ADIG: variants seen among roughly 807,000 people sequenced by gnomAD.
The protein encoded by ADIG is adipogenesis associated.
A neutral mutation model predicts 10.7 loss-of-function variants in ADIG; 12 were observed. The ratio of observed to expected loss-of-function variants is 1.12; its 90% CI spans 0.72 to 1.82. The LOEUF is 1.82. ADIG is among the 40% of genes most tolerant of loss of function. ADIG has a pLI of 0.00. For missense variants in ADIG, 72 were observed against 92.5 expected, an observed-to-expected ratio of 0.78 and a Z score of 0.91; for synonymous variants, 32 against 35.6, an observed-to-expected ratio of 0.90 and a Z score of 0.36.
At chr20:38,583,107 C>T (rs979328806) in intron 1 of ADIG, among the ~76,000 whole-genome samples, 16 of 152,188 alleles carry the variant, frequency 1.1e-4, no homozygotes, top group African/African-American at 3.1e-4. Context: ...CATGAGCCAC[C>T]GCACCCAGCC....
rs1003580037 is a variant in ADIG at position 38,588,380 on chromosome 20, T to C, written c.*294T>C. ...TGGCCAATTTAATTCAGAGGGGTCT[T>C]AAAGCAGGGCTGGGCCGGAGGGTGT... On this transcript the variant is annotated 3_prime_UTR_variant, in exon 3 of 3. Coordinates refer to ENST00000537425, the MANE Select transcript of ADIG (RefSeq NM_001393816.1). The C allele has an allele frequency of 3.1e-5, 40 of 1,284,986 alleles. No individual in the cohort carries two copies. Among genetic ancestry groups the C allele is most frequent in the Non-Finnish European group, 4.1e-5 (40 of 979,076 alleles). 79.6% of individuals were successfully genotyped at this position (1,284,986 alleles called of 1,614,324 possible).
chr20:38,581,344 A>G lies in ADIG; in HGVS notation c.94A>G (p.Ile32Val). ...CLPVGLLLLL[I>V]IWLRFLLSQD... ...CCCTGTGGGTTTGCTGTTGTTATTGATCATCTGGCTACGCTTCTTACTTAG... is the reference window on the plus strand; with the variant it reads ...CCCTGTGGGTTTGCTGTTGTTATTGGTCATCTGGCTACGCTTCTTACTTAG... The change falls in exon 1 of 3, where the codon ATC becomes GTC. Residue 32 changes from isoleucine (I) to valine (V), a missense_variant. Physicochemically the swap from Ile to Val is conservative, Grantham distance 29. Coordinates refer to ENST00000537425, the MANE Select transcript of ADIG (RefSeq NM_001393816.1). 6.2e-7 allele frequency: 1 copy of G among 1,613,946 alleles called. No homozygotes were observed.
chr20:38,586,412 C>T (rs1402579144), intron 2 of ADIG, among the ~76,000 whole-genome samples: 2 of 152,218 alleles, frequency 1.3e-5, no homozygotes, highest in African/African-American at 2.4e-5. Context: ...TACCCTAGGG[C>T]CTCACCCCCC....
chr20:38,587,050 G>A (rs1204110387), intron 2 of ADIG, among the ~76,000 whole-genome samples: 1 of 152,068 alleles, frequency 6.6e-6, no homozygotes, highest in East Asian at 1.9e-4. Context: ...CTGTCTGCTT[G>A]ACACCCTCTC....
chr20:38,586,402 T>A (rs2088637102), intron 2 of ADIG: 1 of 469,024 alleles, frequency 2.1e-6, no homozygotes, highest in African/African-American at 2.0e-5. Flanking sequence ...CCCTACCCTT[T>A]ACCCTAGGGC....
At position 38,586,100 on chromosome 20, in the gene ADIG, T is replaced by C. The variant is rs376390764; in HGVS notation, c.196T>C (p.Trp66Arg). ...PWSKGPAEFC[W>R]KGTLHGQEKE... The stretch of plus-strand genomic sequence containing the variant: ...GAGCAAAGGCCCAGCTGAGTTTTGC[T>C]GGAAGGGGACACTCCACGGCCAAGA... Residue 66 changes from tryptophan (W) to arginine (R), a missense_variant, in exon 2 of 3, where the codon TGG (tryptophan) becomes CGG (arginine). Coordinates refer to ENST00000537425, the MANE Select transcript of ADIG (RefSeq NM_001393816.1). 19 of 1,608,248 alleles carry C rather than the reference T, an allele frequency of 1.2e-5. No individual in the cohort carries two copies. The highest frequency in any genetic ancestry group is 1.5e-5 in the Non-Finnish European group (18 of 1,177,594).
At chr20:38,585,281 CT>C (rs1161311612) in intron 1 of ADIG, among the ~76,000 whole-genome samples, 1 of 152,196 alleles carries the variant, frequency 6.6e-6, no homozygotes, top group East Asian at 1.9e-4. Flanking sequence ...CCCCATCCCT[CT>C]TTTTTTCTCA....
At chr20:38,583,308 G>T (rs775002717) in intron 1 of ADIG, among the ~76,000 whole-genome samples, 10 of 152,162 alleles carry the variant, frequency 6.6e-5, no homozygotes, top group African/African-American at 2.4e-4. Flanking sequence ...CCTGTCCAAG[G>T]TCATACATCT....
intron 1 of ADIG, among the ~76,000 whole-genome samples, chr20:38,581,741 G>T (rs964208609): frequency 3.3e-5 from 5 of 152,344 alleles, no homozygotes; most frequent in Non-Finnish European, 5.9e-5. Context: ...TTCAGCTGGG[G>T]TGCAAGGCTC....
intron 2 of ADIG, 199 bp downstream of exon 2, chr20:38,586,360 C>A (rs1048294375): frequency 3.6e-6 from 2 of 553,600 alleles, no homozygotes; most frequent in Non-Finnish European, 6.5e-6. Context: ...AAGGGCCAGC[C>A]CCCTGTGCCA....
chr20:38,585,333 C>A, intron 1 of ADIG: 1 of 1,290,436 alleles, frequency 7.7e-7, no homozygotes, highest in Non-Finnish European at 1.1e-6. Flanking sequence ...AACTCATTAA[C>A]GTGTGCAGGT....
At chr20:38,585,583 C>G in intron 1 of ADIG, 1 of 1,508,072 alleles carries the variant, frequency 6.6e-7, no homozygotes, top group Non-Finnish European at 9.0e-7. Context: ...GACGTGGACA[C>G]AGTTTCCAGG....
At chr20:38,585,271 C>G (rs1304802450) in intron 1 of ADIG, among the ~76,000 whole-genome samples, 1 of 152,178 alleles carries the variant, frequency 6.6e-6, no homozygotes, top group Non-Finnish European at 1.5e-5. Context: ...AAATAATCTT[C>G]CCCATCCCTC....
intron 2 of ADIG, 51 bp from the exon 3 acceptor site, chr20:38,588,050 T>C (rs771948431): frequency 8.8e-6 from 11 of 1,245,274 alleles, no homozygotes; most frequent in South Asian, 1.4e-5. Flanking sequence ...ACCCACCTCT[T>C]TTTTCTCATC....
Position 38,583,589 on chromosome 20 carries a change from A to G in ADIG, c.124+2215A>G, listed in dbSNP as rs531761353. Among the ~76,000 whole-genome samples, 28 of 152,344 alleles carry G rather than the reference A, an allele frequency of 1.8e-4. No individual in the cohort carries two copies. The South Asian group carries it at 3.3e-3, about 18-fold the overall frequency. ...AGTCCAGCCAATGCTGGTTTTGTCA[A>G]TGTGGGAGGAAATGCAGGTGGTGTG... On this transcript the variant is annotated intron_variant, in intron 1 of 2. Coordinates refer to ENST00000537425, the MANE Select transcript of ADIG (RefSeq NM_001393816.1).
Position 38,588,457 on chromosome 20 carries a change from A to C in ADIG, c.*371A>C, listed in dbSNP as rs1022444229. ...TTCCCATACCCGGGGGACCCCTGAC[A>C]AACCTACCAGGCCTGACCAAGTCAT... On this transcript the variant is annotated 3_prime_UTR_variant, in exon 3 of 3. Coordinates refer to ENST00000537425, the MANE Select transcript of ADIG (RefSeq NM_001393816.1). The C allele has an allele frequency of 9.9e-6, 12 of 1,209,608 alleles. No individual in the cohort carries two copies. In the African/African-American group the frequency reaches 1.9e-4, roughly 19 times the overall value. The allele number at this position is 1,209,608 out of a possible 1,614,324, so 74.9% of individuals were successfully genotyped here.
At chr20:38,582,068 G>A (rs977419167) in intron 1 of ADIG, among the ~76,000 whole-genome samples, 2 of 152,140 alleles carry the variant, frequency 1.3e-5, no homozygotes, top group African/African-American at 4.8e-5. Context: ...GCAGGAGTGG[G>A]ACTTCTGCTC....
chr20:38,581,439 C>A, intron 1 of ADIG, 65 bp downstream of exon 1: 1 of 1,605,350 alleles, frequency 6.2e-7, no homozygotes, highest in South Asian at 1.1e-5. Context: ...CCAAATAGGC[C>A]AGTGTGTCCT....
chr20:38,586,493 G>A lies in ADIG; in HGVS notation c.*14+332G>A, dbSNP rs561822534. 1.6e-4 allele frequency among the ~76,000 whole-genome samples: 25 copies of A among 152,256 alleles called. 1 individual carries two copies. The South Asian group carries it at 5.0e-3, about 30-fold the overall frequency. On this transcript the variant is annotated intron_variant, in intron 2 of 2. Transcript: ENST00000537425. ...GCGTGGGGCACTCCCTCCCCTCTGA[G>A]GGCTTGCTCTAATGTCACTTTTTCA...
Sources: allele counts gnomAD v4.1 joint callset (sites outside exome capture counted in the v4.1 genomes callset), GRCh38; gene constraint gnomAD v4.1.1; transcripts MANE v1.5; gene names NCBI Gene and HGNC (gene_info 2026-07-23, HGNC 2026-07-21).